AGMO: variants seen among roughly 807,000 people sequenced by gnomAD.
The protein encoded by AGMO is glyceryl-ether monooxygenase.
Under a neutral mutation model 60.2 loss-of-function variants are expected in AGMO, and 75 were observed. That is an observed-to-expected ratio of 1.25 (90% CI 1.03 to 1.51). AGMO has a LOEUF of 1.51. AGMO is among the 40% of genes most tolerant of loss of function. AGMO has a pLI of 0.00. For synonymous variants in AGMO, 261 were observed against 177.1 expected (o/e 1.47, Z -3.76); for missense variants, 763 against 525.5 (o/e 1.45, Z -4.42).
intron 3 of AGMO, among the ~76,000 whole-genome samples, chr7:15,482,510 A>C (rs557353806): frequency 5.3e-4 from 80 of 152,268 alleles, no homozygotes; most frequent in African/African-American, 1.9e-3. Context: ...TGTAATTAGA[A>C]ATCAGCCCCA....
intron 12 of AGMO, among the ~76,000 whole-genome samples, chr7:15,294,426 G>A (rs895208724): frequency 4.0e-5 from 6 of 151,634 alleles, no homozygotes; most frequent in African/African-American, 1.4e-4. Context: ...ATAAATTGCA[G>A]AACAACATAA....
rs187596773 is a variant in AGMO, at chr7:15,332,896, T to G, written c.1263+32618A>C. Among the ~76,000 whole-genome samples, 45 of 152,276 alleles carry G rather than the reference T, an allele frequency of 3.0e-4. No homozygotes were observed. In the East Asian group the frequency reaches 6.0e-3, roughly 20 times the overall value. ...ATATTACAAAATAATATCAGTATAT[T>G]GCATTATGGTATACATTTCATGATG... is the stretch of plus-strand genomic sequence containing the variant. On this transcript the variant is annotated intron_variant, in intron 12 of 12. Coordinates refer to ENST00000342526, the MANE Select transcript of AGMO (RefSeq NM_001004320.2).
At chr7:15,470,490 G>T (rs1373779452) in intron 3 of AGMO, among the ~76,000 whole-genome samples, 1 of 151,666 alleles carries the variant, frequency 6.6e-6, no homozygotes, top group Non-Finnish European at 1.5e-5. Flanking sequence ...TCAACTTCAA[G>T]TATTCATAAT....
At chr7:15,484,108 G>T (rs1407536287) in intron 3 of AGMO, among the ~76,000 whole-genome samples, 2 of 152,036 alleles carry the variant, frequency 1.3e-5, no homozygotes, top group Admixed American at 6.6e-5. Context: ...TATCATCAAA[G>T]AGCCTTCCAA....
chr7:15,176,118 T>C, the AGMO span, among the ~76,000 whole-genome samples: 5 of 152,158 alleles, frequency 3.3e-5, no homozygotes, highest in East Asian at 9.7e-4. Flanking sequence ...ATTTACGTTT[T>C]CCTATTTTTA....
the AGMO span, among the ~76,000 whole-genome samples, chr7:15,134,997 A>T: frequency 6.6e-6 from 1 of 152,214 alleles, no homozygotes; most frequent in South Asian, 2.1e-4. Flanking sequence ...CAGATATTAA[A>T]AAAACTAAAT....
At chr7:15,555,624 A>G (rs1785111962) in intron 2 of AGMO, among the ~76,000 whole-genome samples, 1 of 151,960 alleles carries the variant, frequency 6.6e-6, no homozygotes, top group Non-Finnish European at 1.5e-5. Context: ...CAGCAACCAT[A>G]AAACCATAAA....
chr7:15,380,506 G>A (rs369595537), intron 10 of AGMO, among the ~76,000 whole-genome samples: 5 of 151,960 alleles, frequency 3.3e-5, no homozygotes, highest in African/African-American at 4.8e-5. Context: ...CAAAGAAATC[G>A]GATATTGACA....
the AGMO span, among the ~76,000 whole-genome samples, chr7:15,135,967 AT>A: frequency 3.5e-5 from 3 of 86,466 alleles, no homozygotes; most frequent in South Asian, 8.1e-4. Context: ...TTAATATTAT[AT>A]TTTTTCTTTT....
downstream of AGMO, among the ~76,000 whole-genome samples, chr7:15,197,634 C>G (rs139007998): frequency 5.9e-4 from 90 of 152,336 alleles, no homozygotes; most frequent in African/African-American, 2.0e-3. Flanking sequence ...CCTGTAGCCT[C>G]TTTCAGACAT....
intron 2 of AGMO, among the ~76,000 whole-genome samples, chr7:15,557,231 A>G (rs182138599): frequency 3.3e-5 from 5 of 152,222 alleles, no homozygotes; most frequent in Admixed American, 6.6e-5. Flanking sequence ...TTTGATTTCC[A>G]CTTCTTTTGT....
intron 12 of AGMO, among the ~76,000 whole-genome samples, chr7:15,203,998 A>T (rs1781376277): frequency 6.6e-6 from 1 of 152,134 alleles, no homozygotes; most frequent in African/African-American, 2.4e-5. Flanking sequence ...GAATTTTTAT[A>T]TATAATAAAA....
At chr7:15,147,520 C>T in the AGMO span, among the ~76,000 whole-genome samples, 45 of 152,240 alleles carry the variant, frequency 3.0e-4, no homozygotes, top group African/African-American at 9.4e-4. Context: ...TCAGTTACCT[C>T]CCACCCCATG....
At position 15,316,641 on chromosome 7, in the gene AGMO, A is replaced by G. The variant is rs551540787; in HGVS notation, c.1263+48873T>C. 8.5e-5 allele frequency among the ~76,000 whole-genome samples: 13 copies of G among 152,288 alleles called. No homozygotes were observed. In the South Asian group the frequency reaches 2.7e-3, roughly 32 times the overall value. On this transcript the variant is annotated intron_variant, in intron 12 of 12. Transcript: ENST00000342526. ...ACACACACACAAGTTCATTATTCAG[A>G]TAACTAAGCAGAGGGGATAATAATA...
chr7:15,482,114 C>G (rs1255060235), intron 3 of AGMO, among the ~76,000 whole-genome samples: 3 of 148,116 alleles, frequency 2.0e-5, no homozygotes, highest in Non-Finnish European at 4.5e-5. Context: ...ATGAAAAAAT[C>G]AGAAAAAAAG....
At chr7:15,303,444 AAAG>A (rs1376520241) in intron 12 of AGMO, among the ~76,000 whole-genome samples, 1 of 151,822 alleles carries the variant, frequency 6.6e-6, no homozygotes, top group Non-Finnish European at 1.5e-5. Context: ...CAGAAAAAAA[AAAG>A]AGAGAGAAGG....
intron 3 of AGMO, among the ~76,000 whole-genome samples, chr7:15,500,213 C>T (rs1223786744): frequency 6.6e-6 from 1 of 151,646 alleles, no homozygotes; most frequent in Non-Finnish European, 1.5e-5. Context: ...TAATGACATA[C>T]TAGAGAAGTC....
At chr7:15,389,909 A>T (rs951208534) in intron 8 of AGMO, among the ~76,000 whole-genome samples, 4 of 152,172 alleles carry the variant, frequency 2.6e-5, no homozygotes, top group Non-Finnish European at 4.4e-5. Flanking sequence ...GTGAAACTCG[A>T]AGTAGTCTGG....
In AGMO at chr7:15,237,321, T is replaced by A. The variant is rs1391618846; in HGVS notation, c.1264-35962A>T. On this transcript the variant is annotated intron_variant, in intron 12 of 12. Transcript: ENST00000342526. ...TCAGAAACATTTTCACTAGAACAGA[T>A]GAAAGTAGCACAAAGGAAGGTAAGA... Among the ~76,000 whole-genome samples, 4 of 152,282 alleles carry A rather than the reference T, an allele frequency of 2.6e-5. No individual in the cohort carries two copies. The East Asian group carries it at 5.8e-4, about 22-fold the overall frequency.
Sources: allele counts gnomAD v4.1 joint callset (sites outside exome capture counted in the v4.1 genomes callset), GRCh38; gene constraint gnomAD v4.1.1; transcripts MANE v1.5; gene names NCBI Gene and HGNC (gene_info 2026-07-23, HGNC 2026-07-21).